The following TUB variants were observed in gnomAD, a reference collection of about 807,000 sequenced individuals.
TUB encodes the protein TUB bipartite transcription factor.
A neutral mutation model predicts 59.7 loss-of-function variants in TUB; 33 were observed. The observed-to-expected ratio is 0.55, with a 90% CI of 0.42 to 0.74. TUB has a LOEUF of 0.74. Ranked by LOEUF, TUB falls within the 30% of genes least tolerant of loss-of-function variation. The pLI, the probability that TUB is intolerant of heterozygous loss-of-function variation, is 0.00. For missense variants in TUB, 659 were observed against 672.0 expected, an observed-to-expected ratio of 0.98 and a Z score of 0.21; for synonymous variants, 293 against 256.4, an observed-to-expected ratio of 1.14 and a Z score of -1.36.
chr11:8,021,696 A>C (rs764104497), intron 1 of TUB, among the ~76,000 whole-genome samples: 2 of 152,044 alleles, frequency 1.3e-5, no homozygotes, highest in African/African-American at 4.8e-5. Flanking sequence ...CAAGCAGATC[A>C]CGAGGTCAGG....
chr11:8,088,101 G>C (rs4385931), intron 1 of TUB, among the ~76,000 whole-genome samples: 97,890 of 152,080 alleles, frequency 0.64, 31,721 homozygotes, highest in Middle Eastern at 0.74. Context: ...TGAGGCTGTT[G>C]TGCACACAGC....
chr11:8,100,754 G>C, intron 10 of TUB, 72 bp from the exon 11 acceptor site: 11 of 1,593,476 alleles, frequency 6.9e-6, no homozygotes, highest in Non-Finnish European at 9.4e-6. Flanking sequence ...CCCATTCCCG[G>C]GATAGATCCC....
intron 2 of TUB, among the ~76,000 whole-genome samples, chr11:8,049,966 CT>C (rs1486952119): frequency 1.3e-5 from 2 of 152,138 alleles, no homozygotes; most frequent in Admixed American, 6.5e-5. Flanking sequence ...TGCCAGCCCC[CT>C]AGAAGCCCAC....
Position 8,089,618 on chromosome 11 carries a change from A to G in TUB, c.47A>G (p.Asp16Gly). The change falls in exon 2 of 12, where the codon GAT becomes GGT. Residue 16 changes from aspartate to glycine, a missense_variant. Transcript: ENST00000299506. ...HSDWIPYSVL[D>G]DEGRNLRQQK... ...CCTCTTTCGCTCTGCAGTGTCTTAG[A>G]TGATGAGGGCAGAAACCTGAGGCAG... 1.2e-6 allele frequency: 2 copies of G among 1,614,108 alleles called. No homozygotes were observed. The highest frequency in any genetic ancestry group is 1.1e-5 in the South Asian group (1 of 91,076).
chr11:8,100,230 G>C (rs1434301183), intron 9 of TUB, among the ~76,000 whole-genome samples: 2 of 152,184 alleles, frequency 1.3e-5, no homozygotes, highest in Non-Finnish European at 1.5e-5. Context: ...ATGTAGAAGA[G>C]AGGACTCGAG....
intron 1 of TUB, among the ~76,000 whole-genome samples, chr11:8,024,149 C>T (rs1283865887): frequency 1.3e-5 from 2 of 152,212 alleles, no homozygotes; most frequent in Admixed American, 6.5e-5. Flanking sequence ...CTCTTCTCTT[C>T]CCAGCTTGTA....
At chr11:8,032,801 A>G (rs1942594821) in intron 1 of TUB, among the ~76,000 whole-genome samples, 1 of 152,172 alleles carries the variant, frequency 6.6e-6, no homozygotes, top group Non-Finnish European at 1.5e-5. Flanking sequence ...GACTGGGGCA[A>G]CAATTTCAGA....
intron 2 of TUB, among the ~76,000 whole-genome samples, chr11:8,040,562 T>C (rs1942732942): frequency 6.6e-6 from 1 of 152,206 alleles, no homozygotes; most frequent in Non-Finnish European, 1.5e-5. Flanking sequence ...ATGGCCTTCA[T>C]GGCAGGGACC....
chr11:8,036,225 C>T (rs756391345), upstream of TUB, among the ~76,000 whole-genome samples: 6 of 151,748 alleles, frequency 4.0e-5, no homozygotes, highest in Admixed American at 6.6e-5. Flanking sequence ...TCTCAGGGGA[C>T]ATGTATCAGA....
Position 8,039,673 on chromosome 11 carries a change from GA to G in TUB, c.186del (p.Gly63GlufsTer8). 6.5e-7 allele frequency: 1 copy of G among 1,541,452 alleles called. No individual in the cohort carries two copies. Among genetic ancestry groups the G allele is most frequent in the Non-Finnish European group, 8.8e-7 (1 of 1,141,740 alleles). On this transcript the variant is annotated frameshift_variant, in exon 2 of 13. Transcript: ENST00000305253. LOFTEE classifies it high-confidence loss of function. ...AACAACCAGGAGGAAGTACTGGAAG[GA>G]AGGAAGGGAGATCGCTCGGTGAGCT...
At chr11:8,047,934 G>T (rs1942862245) in intron 2 of TUB, among the ~76,000 whole-genome samples, 1 of 152,138 alleles carries the variant, frequency 6.6e-6, no homozygotes. Flanking sequence ...TGCTAGAAAG[G>T]GTCCCATTTG....
intron 8 of TUB, 132 bp from the exon 9 acceptor site, chr11:8,098,626 G>A (rs1379217370): frequency 3.0e-6 from 2 of 675,314 alleles, no homozygotes; most frequent in Non-Finnish European, 5.3e-6. Context: ...TCAGTGAGCA[G>A]TATGCCTCCC....
At chr11:8,064,332 CCTT>C (rs1943194450) in intron 2 of TUB, among the ~76,000 whole-genome samples, 1 of 152,286 alleles carries the variant, frequency 6.6e-6, no homozygotes, top group East Asian at 1.9e-4. Flanking sequence ...CCAGATGTGA[CCTT>C]CTGGGTACAC....
chr11:8,083,983 G>C (rs187777339), intron 1 of TUB, among the ~76,000 whole-genome samples: 3 of 152,334 alleles, frequency 2.0e-5, no homozygotes, highest in Non-Finnish European at 4.4e-5. Flanking sequence ...GCCACATGCT[G>C]TCTGATCACA....
chr11:8,031,460 G>A (rs1271603231), intron 1 of TUB, among the ~76,000 whole-genome samples: 3 of 152,216 alleles, frequency 2.0e-5, no homozygotes, highest in Admixed American at 1.3e-4. Context: ...CTCCGCTTAG[G>A]TCGCTGAGCC....
At chr11:8,073,973 G>A (rs965228037) in intron 2 of TUB, among the ~76,000 whole-genome samples, 1 of 152,186 alleles carries the variant, frequency 6.6e-6, no homozygotes, top group African/African-American at 2.4e-5. Flanking sequence ...TAAATAACCA[G>A]GCTAAGAATT....
At chr11:8,052,231 C>T (rs1391829849) in intron 2 of TUB, among the ~76,000 whole-genome samples, 1 of 152,180 alleles carries the variant, frequency 6.6e-6, no homozygotes, top group Non-Finnish European at 1.5e-5. Context: ...AAAAAAAATT[C>T]TGCTGCATTT....
upstream of TUB, chr11:8,038,617 G>A: frequency 8.3e-7 from 1 of 1,208,146 alleles, no homozygotes. Flanking sequence ...TCCCTGTGTG[G>A]CATGGCCACT....
At chr11:8,023,335 C>A (rs533734012) in intron 1 of TUB, among the ~76,000 whole-genome samples, 1 of 152,328 alleles carries the variant, frequency 6.6e-6, no homozygotes, top group Admixed American at 6.5e-5. Flanking sequence ...AGCTGAAAAT[C>A]TATGGCCATT....
Sources: allele counts gnomAD v4.1 joint callset (sites outside exome capture counted in the v4.1 genomes callset), GRCh38; gene constraint gnomAD v4.1.1; transcripts MANE v1.5; gene names NCBI Gene and HGNC (gene_info 2026-07-23, HGNC 2026-07-21).